B4GALT6: variants seen among roughly 807,000 people sequenced by gnomAD.
B4GALT6 encodes the protein UDP-Gal:beta-GlcNAc beta-1,4-galactosyltransferase 6.
B4GALT6 carries 14 observed loss-of-function variants against 46.3 expected under a neutral mutation model. That is an observed-to-expected ratio of 0.30 (90% confidence interval 0.20 to 0.47). The LOEUF (loss-of-function observed/expected upper bound fraction) is 0.47, where lower values mean the gene tolerates loss of function less well. Ranked by LOEUF, B4GALT6 falls within the 20% of genes least tolerant of loss-of-function variation. The pLI is 0.99. For synonymous variants in B4GALT6, 168 were observed against 162.0 expected, an observed-to-expected ratio of 1.04 and a Z score of -0.28; for missense variants, 386 against 480.1, an observed-to-expected ratio of 0.80 and a Z score of 1.83.
intron 4 of B4GALT6, among the ~76,000 whole-genome samples, chr18:31,639,197 A>G (rs775928166): frequency 6.6e-6 from 1 of 152,200 alleles, no homozygotes; most frequent in African/African-American, 2.4e-5. Context: ...AGAGAAGTAC[A>G]TGGGTTTTCA....
chr18:31,662,452 T>A (rs1379701959), intron 2 of B4GALT6, among the ~76,000 whole-genome samples: 1 of 152,230 alleles, frequency 6.6e-6, no homozygotes, highest in East Asian at 1.9e-4. Flanking sequence ...CTAATAATAG[T>A]ACCTACAACA....
the B4GALT6 span, among the ~76,000 whole-genome samples, chr18:31,712,284 G>GTTAT: frequency 7.9e-5 from 7 of 88,290 alleles, no homozygotes; most frequent in Non-Finnish European, 1.1e-4. Context: ...CTACTGGGAC[G>GTTAT]TTATTTTTTT....
rs2073638320 is a variant in B4GALT6, at chr18:31,623,070, T to A, written c.*2544A>T. The stretch of plus-strand genomic sequence containing the variant: ...TTGCTTGACTTCATTTGTTTAGAAA[T>A]GAAGTAATAATACTCCTTCCATAGA... On this transcript the variant is annotated 3_prime_UTR_variant, in exon 9 of 9. Transcript: ENST00000306851. The A allele has an allele frequency of 6.6e-6, 1 of 152,096 alleles. No individual in the cohort carries two copies. Among genetic ancestry groups the A allele is most frequent in the Admixed American group, 6.5e-5 (1 of 15,280 alleles). 9.4% of individuals were successfully genotyped at this position (152,096 alleles called of 1,614,324 possible). A position where few individuals can be genotyped will look rare whatever the true frequency, so the allele number is the denominator to read the frequency against.
At chr18:31,685,814 A>G (rs968185481), upstream of B4GALT6, 2 of 152,274 alleles carry the variant, frequency 1.3e-5, no homozygotes, top group Non-Finnish European at 2.9e-5. Context: ...TGTATTTCCG[A>G]CCTGGATTAA....
intron 3 of B4GALT6, among the ~76,000 whole-genome samples, chr18:31,652,421 GC>G (rs1226283760): frequency 1.1e-4 from 16 of 151,624 alleles, no homozygotes; most frequent in Admixed American, 2.6e-4. Flanking sequence ...TTCCTGCCTC[GC>G]CCCCCAGACA....
the B4GALT6 span, among the ~76,000 whole-genome samples, chr18:31,715,562 T>G: frequency 7.0e-6 from 1 of 142,664 alleles, no homozygotes; most frequent in African/African-American, 2.6e-5. Context: ...TTTTTTTTTT[T>G]TTTTTGAGAT....
At chr18:31,684,962 T>C (rs1477803695), upstream of B4GALT6, among the ~76,000 whole-genome samples, 1 of 147,230 alleles carries the variant, frequency 6.8e-6, no homozygotes, top group Non-Finnish European at 1.5e-5. Flanking sequence ...GGCCGCGGCG[T>C]CTCCTGCCTG....
rs369396189 is a variant in B4GALT6, at chr18:31,645,366, G to T, written c.460C>A (p.Pro154Thr). 140 of 1,613,246 alleles carry T rather than the reference G, an allele frequency of 8.7e-5. No homozygotes were observed. The highest frequency in any genetic ancestry group is 1.1e-4 in the Non-Finnish European group (131 of 1,179,836). Residue 154 changes from proline to threonine, a missense_variant, in exon 4 of 9, where the codon CCC (proline) becomes ACC (threonine). Pro to Thr is a conservative substitution (Grantham distance 38, BLOSUM62 -1). This residue lies in a region of B4GALT6 where 323 missense variants were observed against 438.9 expected (regional missense o/e 0.74). Transcript: ENST00000306851. Reference sequence around the variant, plus strand: ...AGAATTTACCTCACCTTCCATCTGGGTTTACAGTCTTTTGGCCTCCAATGA... The same window carrying T: ...AGAATTTACCTCACCTTCCATCTGGTTTTACAGTCTTTTGGCCTCCAATGA... ...GGHWRPKDCKPRWKVAVLIPF... is the reference protein window; with the variant it reads ...GGHWRPKDCKTRWKVAVLIPF...
rs947385844 is a variant in B4GALT6 at position 31,626,933 on chromosome 18, C to A, written c.899+66G>T. ...ATGTTCTTGGAATGGATAAGTACTA[C>A]AATTTACCTAATATAAATAAGATTT... On this transcript the variant is annotated intron_variant, in intron 7 of 8. Coordinates refer to ENST00000306851, the MANE Select transcript of B4GALT6 (RefSeq NM_004775.5). The A allele has an allele frequency of 3.6e-6, 5 of 1,396,874 alleles. No individual in the cohort carries two copies. The African/African-American group carries it at 5.9e-5, about 16-fold the overall frequency. 86.5% of individuals were successfully genotyped at this position (1,396,874 alleles called of 1,614,324 possible). A position where few individuals can be genotyped will look rare whatever the true frequency, so the allele number is the denominator to read the frequency against.
chr18:31,661,546 T>A (rs199894147), intron 2 of B4GALT6, among the ~76,000 whole-genome samples: 12 of 151,132 alleles, frequency 7.9e-5, no homozygotes, highest in African/African-American at 2.7e-4. Flanking sequence ...TCGCTCTCTC[T>A]CACACACACA....
intron 1 of B4GALT6, among the ~76,000 whole-genome samples, chr18:31,677,761 A>C (rs2144734081): frequency 6.6e-6 from 1 of 152,358 alleles, no homozygotes; most frequent in African/African-American, 2.4e-5. Context: ...GGGAAAGGAG[A>C]AAAGAGGAAG....
the B4GALT6 span, among the ~76,000 whole-genome samples, chr18:31,701,734 A>G: frequency 2.6e-5 from 4 of 152,186 alleles, no homozygotes; most frequent in African/African-American, 9.6e-5. Flanking sequence ...AAAGAAAATA[A>G]ATGATTGACA....
chr18:31,651,863 T>C lies in B4GALT6; in HGVS notation c.346+6113A>G, dbSNP rs576959753. ...TCAGCTCACTGCCAGCTCCACCTCC[T>C]GGGTTCACGCCATTCTCCTGCCTCA... On this transcript the variant is annotated intron_variant, in intron 3 of 8. Coordinates refer to ENST00000306851, the MANE Select transcript of B4GALT6 (RefSeq NM_004775.5). 6.3e-4 allele frequency among the ~76,000 whole-genome samples: 96 copies of C among 152,266 alleles called. 1 individual carries two copies. Among genetic ancestry groups the C allele is most frequent in the East Asian group, 9.7e-4 (5 of 5,178 alleles).
chr18:31,666,503 C>A lies in B4GALT6; in HGVS notation c.116-131G>T. On this transcript the variant is annotated intron_variant, in intron 1 of 8. Transcript: ENST00000306851. The stretch of plus-strand genomic sequence containing the variant: ...TCAATCAGCACGTCCAAACGCAAAA[C>A]AGAAATATAAAATATTGCCTACTAT... 2.5e-6 allele frequency: 1 copy of A among 399,934 alleles called. No individual in the cohort carries two copies. Among genetic ancestry groups the A allele is most frequent in the South Asian group, 9.5e-5 (1 of 10,494 alleles). 24.8% of individuals were successfully genotyped at this position (399,934 alleles called of 1,614,324 possible). A position where few individuals can be genotyped will look rare whatever the true frequency, so the allele number is the denominator to read the frequency against.
At chr18:31,644,393 CT>C (rs1340208007) in intron 4 of B4GALT6, among the ~76,000 whole-genome samples, 1 of 151,650 alleles carries the variant, frequency 6.6e-6, no homozygotes, top group African/African-American at 2.4e-5. Flanking sequence ...GTCAGAGGGT[CT>C]TTTTCATGAG....
At chr18:31,702,967 T>C in the B4GALT6 span, among the ~76,000 whole-genome samples, 1 of 152,230 alleles carries the variant, frequency 6.6e-6, no homozygotes, top group Non-Finnish European at 1.5e-5. Context: ...GAGATGCCTT[T>C]GAGTAAGAAC....
chr18:31,669,241 C>T (rs1188412126), intron 1 of B4GALT6, among the ~76,000 whole-genome samples: 6 of 152,040 alleles, frequency 3.9e-5, no homozygotes, highest in South Asian at 2.1e-4. Context: ...ACGTAATTTT[C>T]GAATCTCTTC....
intron 3 of B4GALT6, among the ~76,000 whole-genome samples, chr18:31,647,952 G>C (rs2074012978): frequency 6.6e-6 from 1 of 152,122 alleles, no homozygotes; most frequent in Non-Finnish European, 1.5e-5. Flanking sequence ...GTCCCCTTTA[G>C]GTTTCACTCA....
intron 3 of B4GALT6, 79 bp from the exon 4 acceptor site, chr18:31,645,558 G>T (rs2073982071): frequency 2.1e-6 from 3 of 1,425,036 alleles, no homozygotes; most frequent in Non-Finnish European, 2.8e-6. Flanking sequence ...AATCAGCAGG[G>T]TGATGGCATA....
Sources: gnomAD v4.1 joint callset for allele counts (sites outside exome capture counted in the v4.1 genomes callset) on GRCh38, gnomAD v4.1.1 for gene constraint, gnomAD v4.1.1 regional missense constraint, MANE v1.5 for transcripts, NCBI Gene and HGNC (gene_info 2026-07-23, HGNC 2026-07-21) for gene names.